Variants in CCDC127 observed in about 807,000 individuals in gnomAD.
The protein encoded by CCDC127 is coiled-coil domain-containing protein 127.
A neutral mutation model predicts 4.1 loss-of-function variants in CCDC127; 2 were observed. That is an observed-to-expected ratio of 0.49 (90% CI 0.20 to 1.53). The LOEUF (loss-of-function observed/expected upper bound fraction) is 1.53. Among genes scored for constraint, CCDC127 ranks in the 40% most tolerant of loss-of-function variants. The probability of loss-of-function intolerance (pLI) is 0.23; values close to 1 mark genes in which losing one functional copy is unlikely to be tolerated. For synonymous variants in CCDC127, 98 were observed against 120.4 expected (o/e 0.81, Z 1.22); for missense variants, 271 against 322.9 (o/e 0.84, Z 1.23).
chr5:209,733 A>G (rs375982824), intron 2 of CCDC127, among the ~76,000 whole-genome samples: 3 of 151,930 alleles, frequency 2.0e-5, no homozygotes, highest in African/African-American at 7.3e-5. Context: ...CCTGGTCACA[A>G]ACATCATTCC....
In CCDC127 at chr5:202,371, G is replaced by C. The variant is rs1734088864; in HGVS notation, c.*2926C>G. ...AGGCTGAGGCAGGTGGATCACCTGAGATCAGAAGTTTGAGGCCATCCTGGC... is the reference window on the plus strand; with the variant it reads ...AGGCTGAGGCAGGTGGATCACCTGACATCAGAAGTTTGAGGCCATCCTGGC... On this transcript the variant is annotated 3_prime_UTR_variant, in exon 3 of 3. Coordinates refer to ENST00000296824, the MANE Select transcript of CCDC127 (RefSeq NM_145265.3). 6.6e-6 allele frequency: 1 copy of C among 152,326 alleles called. No homozygotes were observed. The highest frequency in any genetic ancestry group is 6.5e-5 in the Admixed American group (1 of 15,286). 9.4% of individuals were successfully genotyped at this position (152,326 alleles called of 1,614,324 possible).
intron 2 of CCDC127, among the ~76,000 whole-genome samples, chr5:207,680 G>A (rs1241934314): frequency 6.6e-6 from 1 of 152,170 alleles, no homozygotes; most frequent in Non-Finnish European, 1.5e-5. Context: ...TGCCAAATGA[G>A]AGGGGCCCCC....
Position 202,082 on chromosome 5 carries a change from C to G in CCDC127, c.*3215G>C, listed in dbSNP as rs1408846751. ...CAACCAGCACAATTACCCTTTTCTG[C>G]AACTTTAAACCACTTTGGTTGAGGA... is the stretch of plus-strand genomic sequence containing the variant. On this transcript the variant is annotated 3_prime_UTR_variant, in exon 3 of 3. Coordinates refer to ENST00000296824, the MANE Select transcript of CCDC127 (RefSeq NM_145265.3). 6.6e-6 allele frequency: 1 copy of G among 152,266 alleles called. No homozygotes were observed. Among genetic ancestry groups the G allele is most frequent in the Non-Finnish European group, 1.5e-5 (1 of 68,058 alleles). 9.4% of individuals were successfully genotyped at this position (152,266 alleles called of 1,614,324 possible).
chr5:213,778 C>T (rs1734324146), intron 2 of CCDC127: 1 of 132,598 alleles, frequency 7.5e-6, no homozygotes, highest in Non-Finnish European at 1.6e-5. Context: ...ACTCGGGAAA[C>T]ATTTCAGCCC....
intron 2 of CCDC127, among the ~76,000 whole-genome samples, chr5:213,579 AGG>A: frequency 6.7e-6 from 1 of 148,810 alleles, no homozygotes; most frequent in African/African-American, 2.5e-5. Flanking sequence ...CACACCCATC[AGG>A]ATGGGGCAGA....
chr5:213,857 G>T (rs1235863329), intron 2 of CCDC127: 1 of 152,208 alleles, frequency 6.6e-6, no homozygotes, highest in Non-Finnish European at 1.5e-5. Context: ...TTATCCGAGA[G>T]AAATGAAAAC....
chr5:197,902 C>T lies in CCDC127; in HGVS notation c.*7395G>A. 1 of 114,768 alleles carries T rather than the reference C, an allele frequency of 8.7e-6. No homozygotes were observed. The highest frequency in any genetic ancestry group is 2.1e-5 in the Non-Finnish European group (1 of 48,484). 7.1% of individuals were successfully genotyped at this position (114,768 alleles called of 1,614,324 possible). ...CATGTCACCCCACTCCAGGTGTGCC[C>T]CCACCCCTGCTGCCCCGTGTCTCCC... On this transcript the variant is annotated 3_prime_UTR_variant, in exon 3 of 3. Coordinates refer to ENST00000296824, the MANE Select transcript of CCDC127 (RefSeq NM_145265.3).
Position 201,365 on chromosome 5 carries a change from A to C in CCDC127, c.*3932T>G, listed in dbSNP as rs1296639273. ...GTACACTATGAAGCAATCACTTTTTAAACAATCCAACACAGAAATAGTCCG... is the reference window on the plus strand; with the variant it reads ...GTACACTATGAAGCAATCACTTTTTCAACAATCCAACACAGAAATAGTCCG... On this transcript the variant is annotated 3_prime_UTR_variant, in exon 3 of 3. Transcript: ENST00000296824. 6.6e-6 allele frequency: 1 copy of C among 152,258 alleles called. No homozygotes were observed. The highest frequency in any genetic ancestry group is 2.4e-5 in the African/African-American group (1 of 41,468). 9.4% of individuals were successfully genotyped at this position (152,258 alleles called of 1,614,324 possible).
intron 2 of CCDC127, among the ~76,000 whole-genome samples, chr5:207,927 C>T (rs116691006): frequency 9.7e-4 from 148 of 152,210 alleles, no homozygotes; most frequent in African/African-American, 3.3e-3. Context: ...ATGACGCACA[C>T]GGTTAAACGT....
chr5:205,116 CCT>C lies in CCDC127; in HGVS notation c.*179_*180del. 1.7e-6 allele frequency: 1 copy of C among 578,924 alleles called. No homozygotes were observed. Among genetic ancestry groups the C allele is most frequent in the Non-Finnish European group, 3.0e-6 (1 of 334,734 alleles). The allele number at this position is 578,924 out of a possible 1,614,324, so 35.9% of individuals were successfully genotyped here. On this transcript the variant is annotated 3_prime_UTR_variant, in exon 3 of 3. Transcript: ENST00000296824. The stretch of plus-strand genomic sequence containing the variant: ...CAGCGGCAGAGCATCGGGAGGAGAC[CCT>C]CTGTCTCTGAGGCTTCGGTGCACTT...
intron 2 of CCDC127, among the ~76,000 whole-genome samples, chr5:212,002 A>G (rs2446052): frequency 0.01 from 45 of 4,360 alleles, no homozygotes; most frequent in East Asian, 0.013. Flanking sequence ...GTGTGAGCAC[A>G]CTGATGCTCG....
chr5:214,210 G>C (rs972683392), intron 2 of CCDC127: 1 of 152,210 alleles, frequency 6.6e-6, no homozygotes, highest in African/African-American at 2.4e-5. Flanking sequence ...AGGGCAGCAC[G>C]TGAGGCCCCA....
At chr5:206,447 G>A (rs1336122941) in intron 2 of CCDC127, among the ~76,000 whole-genome samples, 1 of 152,250 alleles carries the variant, frequency 6.6e-6, no homozygotes, top group Admixed American at 6.5e-5. Flanking sequence ...CCTCAAACTG[G>A]AGACTGCTGG....
rs1398612939 is a variant in CCDC127 at position 204,561 on chromosome 5, TA to T, written c.*735del. The T allele has an allele frequency of 6.6e-6, 1 of 152,280 alleles. No individual in the cohort carries two copies. The highest frequency in any genetic ancestry group is 1.5e-5 in the Non-Finnish European group (1 of 68,052). The allele number at this position is 152,280 out of a possible 1,614,324, so 9.4% of individuals were successfully genotyped here. A position where few individuals can be genotyped will look rare whatever the true frequency, so the allele number is the denominator to read the frequency against. On this transcript the variant is annotated 3_prime_UTR_variant, in exon 3 of 3. Coordinates refer to ENST00000296824, the MANE Select transcript of CCDC127 (RefSeq NM_145265.3). ...AAGTATTTTGAGTATATATCATTGC[TA>T]ATAAGTATCTGCTTGCTGAATACAG...
In CCDC127 at chr5:218,078, C is replaced by G; in HGVS notation, c.-11+15G>C. ...GTTGGTGCCCACCACCTCCCCGGAA[C>G]AGGGCCCGCTCTACCTCGGTCGGGG... On this transcript the variant is annotated intron_variant, in intron 1 of 2. Coordinates refer to ENST00000296824, the MANE Select transcript of CCDC127 (RefSeq NM_145265.3). 1 of 1,169,480 alleles carries G rather than the reference C, an allele frequency of 8.6e-7. No individual in the cohort carries two copies. The highest frequency in any genetic ancestry group is 1.1e-6 in the Non-Finnish European group (1 of 946,244). The allele number at this position is 1,169,480 out of a possible 1,614,324, so 72.4% of individuals were successfully genotyped here.
In CCDC127 at chr5:204,837, C is replaced by T. The variant is rs1054174; in HGVS notation, c.*460G>A. The T allele has an allele frequency of 0.34, 52,377 of 152,994 alleles. 10,905 individuals are homozygous for T. Among genetic ancestry groups the T allele is most frequent in the African/African-American group, 0.58 (24,200 of 41,492 alleles). The allele number at this position is 152,994 out of a possible 1,614,324, so 9.5% of individuals were successfully genotyped here. A position where few individuals can be genotyped will look rare whatever the true frequency, so the allele number is the denominator to read the frequency against. The stretch of plus-strand genomic sequence containing the variant: ...CCTTGATAATATAATATTACTACTT[C>T]CTATTACCTGTTATGCAGTTCTACA... On this transcript the variant is annotated 3_prime_UTR_variant, in exon 3 of 3. Transcript: ENST00000296824.
Position 204,916 on chromosome 5 carries a change from G to A in CCDC127, c.*381C>T, listed in dbSNP as rs903309899. 2 of 164,102 alleles carry A rather than the reference G, an allele frequency of 1.2e-5. No homozygotes were observed. The highest frequency in any genetic ancestry group is 2.4e-5 in the African/African-American group (1 of 41,894). The allele number at this position is 164,102 out of a possible 1,614,324, so 10.2% of individuals were successfully genotyped here. A position where few individuals can be genotyped will look rare whatever the true frequency, so the allele number is the denominator to read the frequency against. Reference sequence around the variant, plus strand: ...TGGTGACAGAGAAAAATAATTTGAGGAGAAAGTATTTAGGGAGTGATGAAA... The same window carrying A: ...TGGTGACAGAGAAAAATAATTTGAGAAGAAAGTATTTAGGGAGTGATGAAA... On this transcript the variant is annotated 3_prime_UTR_variant, in exon 3 of 3. Transcript: ENST00000296824.
rs1409895429 is a variant in CCDC127 at position 205,477 on chromosome 5, A to C, written c.603T>G (p.Ala201=). The C allele has an allele frequency of 6.2e-7, 1 of 1,614,078 alleles. No homozygotes were observed. The highest frequency in any genetic ancestry group is 8.5e-7 in the Non-Finnish European group (1 of 1,179,896). Residue 201 remains alanine (A), a synonymous_variant, in exon 3 of 3, where the codon GCT becomes GCG. Transcript: ENST00000296824. ...TGAGACCGGCTGCCATCTCTAGGTC[A>C]GCGGCGACGGGGTCGACGGACGCTC... ...LVRASVDPVA[A]DLEMAAGLTD...
At chr5:208,875 G>T (rs1040414059) in intron 2 of CCDC127, among the ~76,000 whole-genome samples, 53 of 152,210 alleles carry the variant, frequency 3.5e-4, no homozygotes, top group African/African-American at 1.1e-3. Context: ...AGTACCAAGG[G>T]CCAGGACGGG....
Sources: gnomAD v4.1 joint callset for allele counts (sites outside exome capture counted in the v4.1 genomes callset) on GRCh38, gnomAD v4.1.1 for gene constraint, MANE v1.5 for transcripts, NCBI Gene and HGNC (gene_info 2026-07-23, HGNC 2026-07-21) for gene names.